The following ADCY9 variants were observed in gnomAD, a reference collection of about 807,000 sequenced individuals.
The protein encoded by ADCY9 is adenylate cyclase 9.
Under a neutral mutation model 101.5 loss-of-function variants are expected in ADCY9, and 50 were observed. The observed-to-expected ratio is 0.49, with a 90% CI of 0.39 to 0.62. The LOEUF is 0.62. ADCY9 is among the 20% of genes least tolerant of loss of function. The pLI is 0.00. For missense variants in ADCY9, 1,662 were observed against 1,800.4 expected (o/e 0.92, Z 1.39); for synonymous variants, 905 against 769.3 (o/e 1.18, Z -2.92).
intron 2 of ADCY9, among the ~76,000 whole-genome samples, chr16:4,077,967 C>G (rs61029348): frequency 1.4e-3 from 209 of 151,304 alleles, no homozygotes; most frequent in African/African-American, 4.9e-3. Context: ...CCACTGCACT[C>G]CAGCCTGGGC....
rs1195233632 is a variant in ADCY9 at position 4,097,483 on chromosome 16, T to TAC, written c.1693+16266_1693+16267insGT. Among the ~76,000 whole-genome samples the TAC allele has an allele frequency of 9.6e-4, 59 of 61,158 alleles. No individual in the cohort carries two copies. The East Asian group carries it at 0.013, about 14-fold the overall frequency. The allele number at this position is 61,158 out of a possible 152,430, so 40.1% of individuals were successfully genotyped here. A position where few individuals can be genotyped will look rare whatever the true frequency, so the allele number is the denominator to read the frequency against. ...ATATATATATATATATATATATATATATATACACACACACACACTATATAT... is the reference window on the plus strand; with the variant it reads ...ATATATATATATATATATATATATATACATATACACACACACACACTATATAT... On this transcript the variant is annotated intron_variant, in intron 2 of 10. Coordinates refer to ENST00000294016, the MANE Select transcript of ADCY9 (RefSeq NM_001116.4).
intron 2 of ADCY9, among the ~76,000 whole-genome samples, chr16:4,094,702 A>G (rs1383600017): frequency 6.6e-6 from 1 of 152,162 alleles, no homozygotes; most frequent in Non-Finnish European, 1.5e-5. Flanking sequence ...GAGGAGATTA[A>G]TACAATATAA....
rs149660033 is a variant in ADCY9 at position 4,031,852 on chromosome 16, G to A, written c.1694-24294C>T. 5.9e-5 allele frequency among the ~76,000 whole-genome samples: 9 copies of A among 152,114 alleles called. No homozygotes were observed. In the East Asian group the frequency reaches 1.5e-3, roughly 26 times the overall value. On this transcript the variant is annotated intron_variant, in intron 2 of 10. Transcript: ENST00000294016. ...TCATCGTGCCACTACACTCCAGCCT[G>A]AGTGACAGACTGAGACCCTGTCTCA...
At position 3,992,181 on chromosome 16, in the gene ADCY9, C is replaced by T. The variant is rs369702162; in HGVS notation, c.2172G>A (p.Thr724=). ...PLRFKNIREK[T]DAHFVDVIKE... is the part of the protein sequence containing the mutation. ...TGATAACGTCCACAAAGTGGGCGTC[C>T]GTTTTCTCCCGGATGTTCTTGAACC... The change falls in exon 5 of 11, where the codon ACG becomes ACA. Residue 724 remains threonine, a synonymous_variant. Transcript: ENST00000294016. This position sits in a 1 kb window ranked among gnomAD's most constrained non-coding sequence, Gnocchi z 4.2. The T allele has an allele frequency of 3.5e-5, 56 of 1,614,064 alleles. 1 individual carries two copies. The highest frequency in any genetic ancestry group is 3.3e-4 in the South Asian group (30 of 91,076).
chr16:4,085,807 T>C (rs2056934297), intron 2 of ADCY9, among the ~76,000 whole-genome samples: 1 of 151,978 alleles, frequency 6.6e-6, no homozygotes, highest in Admixed American at 6.6e-5. Flanking sequence ...GTCTGTGTTT[T>C]GACTCAGATG....
chr16:4,085,357 G>A (rs1194129208), intron 2 of ADCY9, among the ~76,000 whole-genome samples: 1 of 152,068 alleles, frequency 6.6e-6, no homozygotes, highest in Non-Finnish European at 1.5e-5. Flanking sequence ...GCAAGACTCT[G>A]CCTCAAAAAT....
At chr16:3,957,826 T>C (rs1275351232), downstream of ADCY9, among the ~76,000 whole-genome samples, 1 of 152,140 alleles carries the variant, frequency 6.6e-6, no homozygotes, top group Non-Finnish European at 1.5e-5. Context: ...TTCGCTCCTC[T>C]CTCCCTGAAC....
chr16:4,095,328 G>T (rs1338571358), intron 2 of ADCY9, among the ~76,000 whole-genome samples: 2 of 152,102 alleles, frequency 1.3e-5, no homozygotes, highest in Non-Finnish European at 1.5e-5. Flanking sequence ...AACATCTAAG[G>T]TAGACACTTT....
intron 2 of ADCY9, among the ~76,000 whole-genome samples, chr16:4,036,260 C>A (rs1476565813): frequency 6.6e-6 from 1 of 151,798 alleles, no homozygotes; most frequent in East Asian, 1.9e-4. Context: ...TCAGAACTCA[C>A]ACACACACCA....
At chr16:4,000,530 G>C (rs1253867212) in intron 3 of ADCY9, among the ~76,000 whole-genome samples, 1 of 152,184 alleles carries the variant, frequency 6.6e-6, no homozygotes, top group African/African-American at 2.4e-5. Context: ...CAGAATATTA[G>C]AAGAAAAGAT....
chr16:3,967,586 G>T (rs372196592), intron 10 of ADCY9, among the ~76,000 whole-genome samples: 88 of 151,414 alleles, frequency 5.8e-4, no homozygotes, highest in African/African-American at 1.6e-3. Flanking sequence ...AAGAGACAGG[G>T]TCTTGCTGGT....
chr16:4,027,305 A>G (rs1366527115), intron 2 of ADCY9, among the ~76,000 whole-genome samples: 1 of 152,206 alleles, frequency 6.6e-6, no homozygotes, highest in Non-Finnish European at 1.5e-5. Context: ...TTCTTTGTTC[A>G]AAATGCCAAG....
In ADCY9 at chr16:3,963,009, G is replaced by A. The variant is rs1384995207; in HGVS notation, c.*2766C>T. On this transcript the variant is annotated 3_prime_UTR_variant, in exon 11 of 11. Coordinates refer to ENST00000294016, the MANE Select transcript of ADCY9 (RefSeq NM_001116.4). ...TGGATGAAGTCACGGGTGTGGCAGAGCCTGTGGGGCTCTCAAGCTATTCGA... is the reference window on the plus strand; with the variant it reads ...TGGATGAAGTCACGGGTGTGGCAGAACCTGTGGGGCTCTCAAGCTATTCGA... The A allele has an allele frequency of 6.5e-6, 1 of 154,420 alleles. No individual in the cohort carries two copies. The highest frequency in any genetic ancestry group is 2.4e-5 in the African/African-American group (1 of 41,134). 9.6% of individuals were successfully genotyped at this position (154,420 alleles called of 1,614,324 possible). A position where few individuals can be genotyped will look rare whatever the true frequency, so the allele number is the denominator to read the frequency against.
In ADCY9 at chr16:4,007,549, G is replaced by A. The variant is rs1317725141; in HGVS notation, c.1703C>T (p.Thr568Ile). The change falls in exon 3 of 11, where the codon ACA (threonine) becomes ATA (isoleucine). Residue 568 changes from threonine to isoleucine, a missense_variant. Coordinates refer to ENST00000294016, the MANE Select transcript of ADCY9 (RefSeq NM_001116.4). ...VVADQLKGLK[T>I]YLISGQRAKE... Reference sequence around the variant, plus strand: ...GGCTCTCTGACCCGATATCAGGTATGTCTTCAAACCTATGATGGATAAAAG... The same window carrying A: ...GGCTCTCTGACCCGATATCAGGTATATCTTCAAACCTATGATGGATAAAAG... The A allele has an allele frequency of 6.2e-7, 1 of 1,607,514 alleles. No individual in the cohort carries two copies. The highest frequency in any genetic ancestry group is 8.5e-7 in the Non-Finnish European group (1 of 1,177,966).
chr16:3,973,522 A>G (rs2056069666), intron 10 of ADCY9, among the ~76,000 whole-genome samples: 1 of 150,078 alleles, frequency 6.7e-6, no homozygotes, highest in Admixed American at 6.7e-5. Context: ...TTTCTGAGAC[A>G]GAGTCTTGCT....
At chr16:4,039,403 G>A (rs1384575306) in intron 2 of ADCY9, among the ~76,000 whole-genome samples, 2 of 152,074 alleles carry the variant, frequency 1.3e-5, no homozygotes, top group Non-Finnish European at 2.9e-5. Context: ...TGCAGGCCAG[G>A]TGCGGTGGCT....
At position 3,993,399 on chromosome 16, in the gene ADCY9, T is replaced by C; in HGVS notation, c.1989+7A>G. On this transcript the variant is annotated splice_region_variant and intron_variant, in intron 4 of 10. Coordinates refer to ENST00000294016, the MANE Select transcript of ADCY9 (RefSeq NM_001116.4). ...ACTGACAGGAACAACAGCCATGAGCTTGTTACCTTGGTGCTGTTTTTATGC... is the reference window on the plus strand; with the variant it reads ...ACTGACAGGAACAACAGCCATGAGCCTGTTACCTTGGTGCTGTTTTTATGC... 2 of 1,613,644 alleles carry C rather than the reference T, an allele frequency of 1.2e-6. No homozygotes were observed. Among genetic ancestry groups the C allele is most frequent in the Admixed American group, 1.7e-5 (1 of 60,024 alleles).
chr16:4,027,920 C>T (rs1402484630), intron 2 of ADCY9, among the ~76,000 whole-genome samples: 2 of 151,664 alleles, frequency 1.3e-5, no homozygotes, highest in Non-Finnish European at 2.9e-5. Flanking sequence ...TCTCGTGAGA[C>T]TTATTCACTA....
intron 2 of ADCY9, among the ~76,000 whole-genome samples, chr16:4,063,714 A>G (rs2056785351): frequency 6.6e-6 from 1 of 151,884 alleles, no homozygotes; most frequent in Non-Finnish European, 1.5e-5. Context: ...CATGTCTCAA[A>G]AAAAAAAAAC....
Sources: allele counts gnomAD v4.1 joint callset (sites outside exome capture counted in the v4.1 genomes callset), GRCh38; gene constraint gnomAD v4.1.1; non-coding constraint Gnocchi (gnomAD v3.1); transcripts MANE v1.5; gene names NCBI Gene and HGNC (gene_info 2026-07-23, HGNC 2026-07-21).